The following PTPRO variants were observed in gnomAD, a reference collection of about 807,000 sequenced individuals.
The protein encoded by PTPRO is receptor-type tyrosine-protein phosphatase O.
In PTPRO, 62 loss-of-function variants were observed where a neutral mutation model predicts 145.2. The observed-to-expected ratio is 0.43, with a 90% CI of 0.35 to 0.53. The LOEUF is 0.53. Among genes scored for constraint, PTPRO ranks in the 20% least tolerant of loss-of-function variants. The pLI is 0.01. For missense variants in PTPRO, 1,345 were observed against 1,482.7 expected (o/e 0.91, Z 1.53); for synonymous variants, 565 against 514.7 (o/e 1.10, Z -1.32).
intron 1 of PTPRO, among the ~76,000 whole-genome samples, chr12:15,425,024 C>T (rs61908009): frequency 0.079 from 12,025 of 152,198 alleles, 660 homozygotes; most frequent in African/African-American, 0.15. Context: ...TACAGTCAGA[C>T]TGCCTCTTGG....
intron 1 of PTPRO, among the ~76,000 whole-genome samples, chr12:15,355,796 T>C (rs1054005717): frequency 1.3e-5 from 2 of 152,232 alleles, no homozygotes; most frequent in African/African-American, 4.8e-5. Context: ...TTTATGGCTA[T>C]TTCTATTATT....
intron 1 of PTPRO, among the ~76,000 whole-genome samples, chr12:15,447,668 C>A (rs988793124): frequency 6.6e-6 from 1 of 152,184 alleles, no homozygotes; most frequent in African/African-American, 2.4e-5. Flanking sequence ...TGCCACAATC[C>A]TATGCCCCAT....
At chr12:15,415,169 T>A (rs1276157297) in intron 1 of PTPRO, among the ~76,000 whole-genome samples, 3 of 152,072 alleles carry the variant, frequency 2.0e-5, no homozygotes, top group Admixed American at 2.0e-4. Context: ...ACCAAAAGAT[T>A]TTGGAAAATC....
chr12:15,340,400 CT>C (rs1866936475), intron 1 of PTPRO, among the ~76,000 whole-genome samples: 1 of 152,128 alleles, frequency 6.6e-6, no homozygotes, highest in Non-Finnish European at 1.5e-5. Context: ...TTGGGACTGC[CT>C]TTTGGACAGA....
At chr12:15,428,468 G>T (rs763054547) in intron 1 of PTPRO, among the ~76,000 whole-genome samples, 3 of 152,058 alleles carry the variant, frequency 2.0e-5, no homozygotes, top group African/African-American at 7.2e-5. Flanking sequence ...GAGCTTTACT[G>T]TGACATAATT....
intron 23 of PTPRO, among the ~76,000 whole-genome samples, chr12:15,584,561 T>C (rs1223377757): frequency 2.6e-5 from 4 of 152,138 alleles, no homozygotes; most frequent in Non-Finnish European, 5.9e-5. Context: ...ACTTGAAAAA[T>C]AGGAATAAAA....
chr12:15,445,248 T>G (rs977907066), intron 1 of PTPRO, among the ~76,000 whole-genome samples: 1 of 152,170 alleles, frequency 6.6e-6, no homozygotes. Context: ...TAGCTATATA[T>G]GCTAATTTTG....
At chr12:15,332,503 C>CT (rs1189900591) in intron 1 of PTPRO, among the ~76,000 whole-genome samples, 1 of 152,136 alleles carries the variant, frequency 6.6e-6, no homozygotes, top group Non-Finnish European at 1.5e-5. Context: ...TAAAATGTTT[C>CT]TTTGAGTTTT....
intron 12 of PTPRO, among the ~76,000 whole-genome samples, chr12:15,527,928 T>C (rs541755444): frequency 5.8e-5 from 7 of 121,594 alleles, no homozygotes; most frequent in African/African-American, 2.4e-4. Context: ...TGACTGACCC[T>C]AACAAGATGG....
At chr12:15,397,420 T>A (rs1939371797) in intron 1 of PTPRO, among the ~76,000 whole-genome samples, 1 of 152,212 alleles carries the variant, frequency 6.6e-6, no homozygotes, top group African/African-American at 2.4e-5. Flanking sequence ...TCCAGATCTT[T>A]CTGATTGAAA....
Position 15,483,704 on chromosome 12 carries a change from T to C in PTPRO, c.76-270T>C, listed in dbSNP as rs537575460. Among the ~76,000 whole-genome samples the C allele has an allele frequency of 3.2e-3, 489 of 152,234 alleles. 1 individual carries two copies. The highest frequency in any genetic ancestry group is 0.011 in the African/African-American group (468 of 41,558). On this transcript the variant is annotated intron_variant, in intron 1 of 26. Transcript: ENST00000281171. ...GTTTATTTTGTTTATTACATGACAC[T>C]GTCCACAAACTGGAAGCAGATTTTC...
chr12:15,447,542 G>T (rs995400585), intron 1 of PTPRO, among the ~76,000 whole-genome samples: 5 of 152,080 alleles, frequency 3.3e-5, no homozygotes, highest in African/African-American at 9.7e-5. Flanking sequence ...GACAAAATTA[G>T]ATGTAGGATT....
intron 1 of PTPRO, among the ~76,000 whole-genome samples, chr12:15,461,250 A>G (rs924510783): frequency 2.0e-5 from 3 of 152,106 alleles, no homozygotes; most frequent in African/African-American, 7.2e-5. Flanking sequence ...TCAAGCAGAA[A>G]ATTTTCAAAT....
At chr12:15,550,770 A>G (rs943572428) in intron 14 of PTPRO, among the ~76,000 whole-genome samples, 4 of 152,236 alleles carry the variant, frequency 2.6e-5, no homozygotes, top group African/African-American at 9.6e-5. Flanking sequence ...TGATCAATGC[A>G]AAAGATGGTA....
chr12:15,322,826 T>A lies in PTPRO; in HGVS notation c.75+25T>A. ...GGTAGGGGAGCTCCTCCACCCCTTTTTCCCAGCGGTCCGGGCGGCAGCCGC... is the reference window on the plus strand; with the variant it reads ...GGTAGGGGAGCTCCTCCACCCCTTTATCCCAGCGGTCCGGGCGGCAGCCGC... On this transcript the variant is annotated intron_variant, in intron 1 of 26. Transcript: ENST00000281171. This position sits in a 1 kb window ranked among gnomAD's most constrained non-coding sequence, Gnocchi z 6.3. 6.2e-7 allele frequency: 1 copy of A among 1,605,678 alleles called. No individual in the cohort carries two copies. The highest frequency in any genetic ancestry group is 8.5e-7 in the Non-Finnish European group (1 of 1,176,532).
chr12:15,327,173 A>T (rs1866468852), intron 1 of PTPRO, among the ~76,000 whole-genome samples: 1 of 152,214 alleles, frequency 6.6e-6, no homozygotes, highest in African/African-American at 2.4e-5. Context: ...TTCAAATAGT[A>T]AAAATTTTAC....
Position 15,580,726 on chromosome 12 carries a change from C to A in PTPRO, c.3027C>A (p.Ala1009=). Residue 1009 remains alanine (A), a synonymous_variant, in exon 22 of 27, where the codon GCC becomes GCA. Transcript: ENST00000281171. ...PGYNSPQEYI[A]TQGPLPETRN... is the part of the protein sequence containing the mutation. ...ACAACTCACCCCAGGAGTATATTGC[C>A]ACCCAGGGGCCACTGCCTGAAACCA... 1 of 1,614,042 alleles carries A rather than the reference C, an allele frequency of 6.2e-7. No individual in the cohort carries two copies. Among genetic ancestry groups the A allele is most frequent in the African/African-American group, 1.3e-5 (1 of 75,026 alleles).
intron 1 of PTPRO, among the ~76,000 whole-genome samples, chr12:15,457,588 T>A (rs968696694): frequency 5.9e-5 from 9 of 152,104 alleles, no homozygotes; most frequent in Non-Finnish European, 1.2e-4. Flanking sequence ...TTGTATTTTT[T>A]AAAATTTTTT....
At chr12:15,370,999 T>A (rs1938510302) in intron 1 of PTPRO, among the ~76,000 whole-genome samples, 1 of 152,162 alleles carries the variant, frequency 6.6e-6, no homozygotes, top group Non-Finnish European at 1.5e-5. Context: ...ACATAATGTA[T>A]TGCTAAACAA....
Sources: gnomAD v4.1 joint callset for allele counts (sites outside exome capture counted in the v4.1 genomes callset) on GRCh38, gnomAD v4.1.1 for gene constraint, Gnocchi (gnomAD v3.1) non-coding constraint, MANE v1.5 for transcripts, NCBI Gene and HGNC (gene_info 2026-07-23, HGNC 2026-07-21) for gene names.